The following ATP13A4 variants were observed in gnomAD, a reference collection of about 807,000 sequenced individuals.
The protein encoded by ATP13A4 is ATPase 13A4.
Under a neutral mutation model 142.5 loss-of-function variants are expected in ATP13A4, and 114 were observed. That is an observed-to-expected ratio of 0.80 (90% CI 0.69 to 0.93). The LOEUF (loss-of-function observed/expected upper bound fraction) is 0.93, where lower values mean the gene tolerates loss of function less well. Among genes scored for constraint, ATP13A4 ranks in the 40% least tolerant of loss-of-function variants. The pLI is 0.00. For missense variants in ATP13A4, 1,392 were observed against 1,454.0 expected (o/e 0.96, Z 0.69); for synonymous variants, 488 against 514.8 (o/e 0.95, Z 0.70).
At chr3:193,585,928 C>G (rs997418931) in intron 1 of ATP13A4, among the ~76,000 whole-genome samples, 12 of 152,070 alleles carry the variant, frequency 7.9e-5, no homozygotes, top group Non-Finnish European at 1.3e-4. Flanking sequence ...CCAAAGTGGT[C>G]GTGCCATTTT....
chr3:193,441,645 C>A lies in ATP13A4; in HGVS notation c.2317-57G>T, dbSNP rs964179082. 3.2e-6 allele frequency: 5 copies of A among 1,585,074 alleles called. No homozygotes were observed. The African/African-American group carries it at 5.4e-5, about 17-fold the overall frequency. On this transcript the variant is annotated intron_variant, in intron 19 of 29. Coordinates refer to ENST00000342695, the MANE Select transcript of ATP13A4 (RefSeq NM_032279.4). ...TTTCATTTGACAGAGTGGTTAGAAC[C>A]ATAAGCATATCTGAGAGAAGTTAAT...
In ATP13A4 at chr3:193,457,369, C is replaced by G; in HGVS notation, c.1761+10G>C. On this transcript the variant is annotated intron_variant, in intron 15 of 29. Transcript: ENST00000342695. Reference sequence around the variant, plus strand: ...TGGGTGTTGTGGGGTGAAGAGCAAGCAGGGCTTACCTGGCTGGCTGTTCTG... The same window carrying G: ...TGGGTGTTGTGGGGTGAAGAGCAAGGAGGGCTTACCTGGCTGGCTGTTCTG... The G allele has an allele frequency of 2.5e-6, 4 of 1,613,908 alleles. No homozygotes were observed. The highest frequency in any genetic ancestry group is 3.4e-6 in the Non-Finnish European group (4 of 1,179,750).
chr3:193,559,951 T>G (rs1017634422), upstream of ATP13A4, among the ~76,000 whole-genome samples: 6 of 152,192 alleles, frequency 3.9e-5, no homozygotes, highest in South Asian at 2.1e-4. Context: ...AGGCAGAAGC[T>G]TCATGTCAGT....
chr3:193,455,704 A>G (rs1717568602), intron 16 of ATP13A4, among the ~76,000 whole-genome samples: 1 of 152,238 alleles, frequency 6.6e-6, no homozygotes, highest in South Asian at 2.1e-4. Context: ...AAAGACAGGT[A>G]AATCATTGCA....
intron 5 of ATP13A4, 147 bp from the exon 6 acceptor site, chr3:193,491,545 T>G (rs923750801): frequency 1.3e-5 from 9 of 683,740 alleles, no homozygotes; most frequent in Non-Finnish European, 1.8e-5. Flanking sequence ...ATTCTGATCC[T>G]TCTCAAAATA....
intron 1 of ATP13A4, among the ~76,000 whole-genome samples, chr3:193,587,976 T>TA (rs201691807): frequency 0.068 from 10,227 of 151,420 alleles, 393 homozygotes; most frequent in Non-Finnish European, 0.087. Context: ...TATATATATA[T>TA]TTAAAAATTA....
At chr3:193,566,913 C>T (rs1445211161) in intron 2 of ATP13A4, among the ~76,000 whole-genome samples, 1 of 152,142 alleles carries the variant, frequency 6.6e-6, no homozygotes, top group Non-Finnish European at 1.5e-5. Flanking sequence ...ATAATCATAC[C>T]TAACATGAAT....
At chr3:193,502,065 T>G (rs553044080) in intron 3 of ATP13A4, among the ~76,000 whole-genome samples, 20 of 152,220 alleles carry the variant, frequency 1.3e-4, no homozygotes, top group African/African-American at 4.8e-4. Flanking sequence ...AGTTTGAGGC[T>G]GTAGTGTATT....
chr3:193,536,337 C>A (rs528402276), intron 1 of ATP13A4, among the ~76,000 whole-genome samples: 5 of 152,144 alleles, frequency 3.3e-5, no homozygotes, highest in African/African-American at 1.2e-4. Context: ...TTCAGCCACA[C>A]ACACACAAAA....
Position 193,467,361 on chromosome 3 carries a change from TG to T in ATP13A4, c.1068del (p.Lys357ArgfsTer8). 1.2e-6 allele frequency: 2 copies of T among 1,614,178 alleles called. No homozygotes were observed. The highest frequency in any genetic ancestry group is 1.7e-6 in the Non-Finnish European group (2 of 1,180,018). On this transcript the variant is annotated frameshift_variant, in exon 10 of 30. Transcript: ENST00000342695. LOFTEE classifies it high-confidence loss of function. Reference sequence around the variant, plus strand: ...CTCACGGTCCCAGAGCAAGCTGCCTTGGCCTGGATAACCTCTGTTCCACAGA... The same window carrying T: ...CTCACGGTCCCAGAGCAAGCTGCCTTGCCTGGATAACCTCTGTTCCACAGA... ...VLFCGTEVIQAKAACSGTVRA... is the reference protein window; with the variant it reads ...VLFCGTEVIQXKAACSGTVRA...
intron 7 of ATP13A4, among the ~76,000 whole-genome samples, chr3:193,485,108 G>A (rs1719527705): frequency 2.6e-5 from 4 of 152,044 alleles, no homozygotes; most frequent in Admixed American, 2.6e-4. Context: ...AAAGCCTAGT[G>A]CATCTGGAAG....
chr3:193,464,265 C>T (rs1363154821), intron 12 of ATP13A4, among the ~76,000 whole-genome samples: 2 of 152,190 alleles, frequency 1.3e-5, no homozygotes, highest in South Asian at 2.1e-4. Flanking sequence ...TGCTTTCCTG[C>T]CTCCAGGCCT....
At chr3:193,546,133 T>C (rs1408580631) in intron 1 of ATP13A4, among the ~76,000 whole-genome samples, 1 of 152,050 alleles carries the variant, frequency 6.6e-6, no homozygotes, top group East Asian at 1.9e-4. Flanking sequence ...TTTATAGTCT[T>C]TTAAAATAAA....
At chr3:193,557,867 G>A (rs1036117018), upstream of ATP13A4, among the ~76,000 whole-genome samples, 2 of 152,226 alleles carry the variant, frequency 1.3e-5, no homozygotes, top group African/African-American at 4.8e-5. Context: ...GAGTAAGGCC[G>A]CAGGAAAGAG....
chr3:193,409,359 A>G (rs1227683103), intron 28 of ATP13A4, among the ~76,000 whole-genome samples: 1 of 135,770 alleles, frequency 7.4e-6, no homozygotes, highest in African/African-American at 3.3e-5. Flanking sequence ...ATGTAATAAT[A>G]AGAAAAATAA....
intron 25 of ATP13A4, among the ~76,000 whole-genome samples, chr3:193,415,545 G>A (rs756639167): frequency 3.3e-5 from 5 of 152,172 alleles, no homozygotes; most frequent in South Asian, 2.1e-4. Context: ...TTCCCAGAGG[G>A]AGACCCTGGT....
chr3:193,558,995 A>T (rs138441707), upstream of ATP13A4, among the ~76,000 whole-genome samples: 429 of 152,234 alleles, frequency 2.8e-3, 1 homozygote, highest in African/African-American at 1.0e-2. Flanking sequence ...AACCTCTGTG[A>T]TTGTCTAGAA....
intron 1 of ATP13A4, among the ~76,000 whole-genome samples, chr3:193,590,428 G>A (rs1450267763): frequency 6.6e-6 from 1 of 152,138 alleles, no homozygotes; most frequent in Non-Finnish European, 1.5e-5. Context: ...ATCTATAGGA[G>A]CAATTGGGGA....
At chr3:193,478,723 A>C (rs1264387902) in intron 8 of ATP13A4, among the ~76,000 whole-genome samples, 1 of 152,168 alleles carries the variant, frequency 6.6e-6, no homozygotes, top group Non-Finnish European at 1.5e-5. Flanking sequence ...TATTGACACT[A>C]TTCCACAGGA....
Sources: allele counts gnomAD v4.1 joint callset (sites outside exome capture counted in the v4.1 genomes callset), GRCh38; gene constraint gnomAD v4.1.1; transcripts MANE v1.5; gene names NCBI Gene and HGNC (gene_info 2026-07-23, HGNC 2026-07-21).